Variants in NOL4 observed in about 807,000 individuals in gnomAD.
The protein encoded by NOL4 is nucleolar protein 4.
NOL4 carries 17 observed loss-of-function variants against 75.9 expected under a neutral mutation model. The ratio of observed to expected loss-of-function variants is 0.22; its 90% CI spans 0.15 to 0.34. The LOEUF (loss-of-function observed/expected upper bound fraction) is 0.34, where lower values mean the gene tolerates loss of function less well. NOL4 is among the 10% of genes least tolerant of loss of function. The probability of loss-of-function intolerance (pLI) is 1.00; values close to 1 mark genes in which losing one functional copy is unlikely to be tolerated. For missense variants in NOL4, 614 were observed against 793.5 expected, an observed-to-expected ratio of 0.77 and a Z score of 2.72; for synonymous variants, 292 against 289.9, an observed-to-expected ratio of 1.01 and a Z score of -0.07.
chr18:34,144,834 G>C (rs1568390793), intron 1 of NOL4, among the ~76,000 whole-genome samples: 1 of 152,064 alleles, frequency 6.6e-6, no homozygotes. Context: ...AGGCTGACAT[G>C]CAGTTCTCCA....
chr18:34,093,525 G>A lies in NOL4; in HGVS notation c.712C>T (p.Leu238Phe). 2 of 1,609,590 alleles carry A rather than the reference G, an allele frequency of 1.2e-6. No homozygotes were observed. Among genetic ancestry groups the A allele is most frequent in the Non-Finnish European group, 1.7e-6 (2 of 1,177,214 alleles). ...ATTCTTTCTTCAAGATTGGAGCTAA[G>A]ATCAGAGTTCACAGCTGACATCCGT... is the stretch of plus-strand genomic sequence containing the variant. ...STRMSAVNSD[L>F]SSNLEERMQS... Residue 238 changes from leucine (L) to phenylalanine (F), a missense_variant, in exon 5 of 11, where the codon CTT (leucine) becomes TTT (phenylalanine). Leu to Phe is a conservative substitution (Grantham distance 22). This residue lies in a region of NOL4 where 135 missense variants were observed against 220.4 expected (regional missense o/e 0.61). Transcript: ENST00000261592.
chr18:33,966,565 A>C (rs1002631543), intron 6 of NOL4, among the ~76,000 whole-genome samples: 1 of 152,142 alleles, frequency 6.6e-6, no homozygotes, highest in African/African-American at 2.4e-5. Flanking sequence ...CAGCAAAGGG[A>C]CCCTAGAACT....
intron 1 of NOL4, among the ~76,000 whole-genome samples, chr18:34,203,047 A>G (rs1310612112): frequency 6.6e-6 from 1 of 152,068 alleles, no homozygotes; most frequent in East Asian, 1.9e-4. Flanking sequence ...CTATCCTTCA[A>G]CAGATTAATG....
intron 5 of NOL4, among the ~76,000 whole-genome samples, chr18:34,037,761 C>G (rs1337183516): frequency 6.6e-6 from 1 of 152,066 alleles, no homozygotes. Context: ...AAAATCAACT[C>G]AAGATGGATT....
intron 1 of NOL4, among the ~76,000 whole-genome samples, chr18:34,182,030 A>T (rs190800756): frequency 6.6e-6 from 1 of 151,642 alleles, no homozygotes; most frequent in African/African-American, 2.4e-5. Flanking sequence ...CAAACTGACC[A>T]TATGACCCAA....
chr18:33,862,230 A>T (rs1398429792), intron 10 of NOL4, among the ~76,000 whole-genome samples: 3 of 152,170 alleles, frequency 2.0e-5, no homozygotes, highest in African/African-American at 7.2e-5. Context: ...TAGAAAGCTG[A>T]AACTGGATCC....
chr18:33,888,777 T>C (rs1165037933), intron 9 of NOL4, among the ~76,000 whole-genome samples: 1 of 152,086 alleles, frequency 6.6e-6, no homozygotes, highest in African/African-American at 2.4e-5. Context: ...CCTTTGTCCA[T>C]ATATCTGTTT....
intron 4 of NOL4, among the ~76,000 whole-genome samples, chr18:34,102,235 C>T (rs2079073349): frequency 6.6e-6 from 1 of 151,958 alleles, no homozygotes; most frequent in Admixed American, 6.6e-5. Flanking sequence ...TATGTTTACC[C>T]CCACAAAAGA....
Position 34,223,118 on chromosome 18 carries a change from T to C in NOL4, c.136A>G (p.Ser46Gly). 6.2e-7 allele frequency: 1 copy of C among 1,614,190 alleles called. No homozygotes were observed. Among genetic ancestry groups the C allele is most frequent in the East Asian group, 2.2e-5 (1 of 44,844 alleles). ...TTAAATTTGGCGTTGTCCGTGGAGC[T>C]CGACTCGGAGCCATTGAGGAGCTGG... ...IVQLLNGSES[S>G]STDNAKFKFW... is the part of the protein sequence containing the mutation. The change falls in exon 1 of 11, where the codon AGC becomes GGC. Residue 46 changes from serine to glycine, a missense_variant. Transcript: ENST00000261592.
chr18:34,138,259 G>T (rs1391578476), intron 1 of NOL4, among the ~76,000 whole-genome samples: 2 of 152,004 alleles, frequency 1.3e-5, no homozygotes, highest in East Asian at 3.9e-4. Flanking sequence ...TAAATTGGCT[G>T]GGCATGGTGA....
chr18:34,061,670 C>T (rs1394249464), intron 5 of NOL4, among the ~76,000 whole-genome samples: 2 of 151,936 alleles, frequency 1.3e-5, no homozygotes, highest in Admixed American at 1.3e-4. Flanking sequence ...AGTAATAACT[C>T]CTAAATGGTG....
chr18:33,986,692 C>G (rs1046872964), intron 6 of NOL4, among the ~76,000 whole-genome samples: 1 of 152,054 alleles, frequency 6.6e-6, no homozygotes. Flanking sequence ...AATGATATAG[C>G]CACTTTGACA....
intron 6 of NOL4, among the ~76,000 whole-genome samples, chr18:33,989,223 T>C (rs1480104212): frequency 1.4e-5 from 2 of 146,184 alleles, no homozygotes; most frequent in East Asian, 4.0e-4. Flanking sequence ...AAAAAAATCA[T>C]TGGCAAGTCA....
At chr18:34,126,437 C>T (rs1252248262) in intron 2 of NOL4, among the ~76,000 whole-genome samples, 1 of 152,096 alleles carries the variant, frequency 6.6e-6, no homozygotes, top group Non-Finnish European at 1.5e-5. Context: ...TACAATATCA[C>T]ACTATGAGTT....
chr18:34,205,362 C>T (rs2036049232), intron 1 of NOL4, among the ~76,000 whole-genome samples: 1 of 152,054 alleles, frequency 6.6e-6, no homozygotes, highest in Non-Finnish European at 1.5e-5. Flanking sequence ...CTTTCTACGC[C>T]TCCCCAGTGT....
chr18:33,996,946 G>A (rs2073332268), intron 6 of NOL4, among the ~76,000 whole-genome samples: 1 of 151,728 alleles, frequency 6.6e-6, no homozygotes, highest in South Asian at 2.1e-4. Flanking sequence ...GGGATTACTG[G>A]GTCAAATGGT....
At chr18:34,116,903 G>A (rs1237943894) in intron 2 of NOL4, among the ~76,000 whole-genome samples, 1 of 152,006 alleles carries the variant, frequency 6.6e-6, no homozygotes, top group African/African-American at 2.4e-5. Flanking sequence ...TTGCAACAAT[G>A]TTTCATTTCT....
At chr18:34,140,753 T>G (rs1475756966) in intron 1 of NOL4, among the ~76,000 whole-genome samples, 3 of 152,186 alleles carry the variant, frequency 2.0e-5, no homozygotes, top group African/African-American at 7.2e-5. Flanking sequence ...GGTCGCTAGT[T>G]GATGCAGTTT....
At chr18:34,182,105 C>T (rs1053216138) in intron 1 of NOL4, among the ~76,000 whole-genome samples, 1 of 151,522 alleles carries the variant, frequency 6.6e-6, no homozygotes, top group African/African-American at 2.4e-5. Context: ...AAAACTTATA[C>T]ACAAATGTTC....
Sources: gnomAD v4.1 joint callset for allele counts (sites outside exome capture counted in the v4.1 genomes callset) on GRCh38, gnomAD v4.1.1 for gene constraint, gnomAD v4.1.1 regional missense constraint, MANE v1.5 for transcripts, NCBI Gene and HGNC (gene_info 2026-07-23, HGNC 2026-07-21) for gene names.